TBC1D19: variants seen among roughly 807,000 people sequenced by gnomAD.
TBC1D19 encodes TBC1 domain family member 19, also known as TBC1 domain family, member 19.
A neutral mutation model predicts 89.0 loss-of-function variants in TBC1D19; 60 were observed. The ratio of observed to expected loss-of-function variants is 0.67; its 90% CI spans 0.55 to 0.84. The LOEUF is 0.84. Among genes scored for constraint, TBC1D19 ranks in the 40% least tolerant of loss-of-function variants. The probability of loss-of-function intolerance (pLI) is 0.00; values close to 1 mark genes in which losing one functional copy is unlikely to be tolerated. For missense variants in TBC1D19, 500 were observed against 610.8 expected (o/e 0.82, Z 1.91); for synonymous variants, 189 against 199.7 (o/e 0.95, Z 0.45).
intron 8 of TBC1D19, among the ~76,000 whole-genome samples, chr4:26,660,622 G>A (rs955059963): frequency 6.6e-6 from 1 of 152,150 alleles, no homozygotes; most frequent in Non-Finnish European, 1.5e-5. Flanking sequence ...CAGGAGGCAG[G>A]GGCTTCCATT....
intron 7 of TBC1D19, among the ~76,000 whole-genome samples, chr4:26,657,488 A>T (rs372512356): frequency 1.8e-3 from 271 of 152,162 alleles, no homozygotes; most frequent in African/African-American, 6.2e-3. Flanking sequence ...TCTATGATTT[A>T]TGGGCATTTG....
chr4:26,759,328 A>AT (rs1719381594), downstream of TBC1D19, among the ~76,000 whole-genome samples: 2 of 152,312 alleles, frequency 1.3e-5, no homozygotes, highest in South Asian at 4.1e-4. Flanking sequence ...TAATTCACTC[A>AT]TTTACTGATA....
At chr4:26,648,944 C>T (rs998336501) in intron 7 of TBC1D19, among the ~76,000 whole-genome samples, 9 of 151,952 alleles carry the variant, frequency 5.9e-5, no homozygotes, top group South Asian at 4.2e-4. Flanking sequence ...TTTAAAATTA[C>T]GAATATTTTA....
At chr4:26,823,194 T>C in the TBC1D19 span, among the ~76,000 whole-genome samples, 1 of 152,120 alleles carries the variant, frequency 6.6e-6, no homozygotes, top group Admixed American at 6.5e-5. Flanking sequence ...GCAGGAAAAC[T>C]CCCATTTTTA....
At chr4:26,590,796 G>GTTTTTTTTTTTTGTTTTTT (rs1739724314) in intron 1 of TBC1D19, among the ~76,000 whole-genome samples, 1 of 52,962 alleles carries the variant, frequency 1.9e-5, no homozygotes, top group East Asian at 7.4e-4. Context: ...TTGCAGGTCT[G>GTTTTTTTTTTTTGTTTTTT]TTTTTTTTTT....
At chr4:26,683,899 G>T (rs1713576579) in intron 12 of TBC1D19, 150 bp downstream of exon 12, 2 of 608,758 alleles carry the variant, frequency 3.3e-6, no homozygotes, top group Non-Finnish European at 5.1e-6. Flanking sequence ...AGTTAAAGTT[G>T]GTGTTCAAAA....
chr4:26,841,405 T>C, the TBC1D19 span, among the ~76,000 whole-genome samples: 38 of 137,828 alleles, frequency 2.8e-4, no homozygotes, highest in Non-Finnish European at 6.3e-5. Context: ...AAAAAAAAAG[T>C]GTATGACTTG....
the TBC1D19 span, among the ~76,000 whole-genome samples, chr4:26,797,430 G>A: frequency 6.6e-6 from 1 of 152,176 alleles, no homozygotes; most frequent in Admixed American, 6.5e-5. Flanking sequence ...CATGCTCATG[G>A]ATTGGAATAA....
chr4:26,818,830 A>G, the TBC1D19 span, among the ~76,000 whole-genome samples: 9 of 152,206 alleles, frequency 5.9e-5, no homozygotes, highest in Admixed American at 1.3e-4. Flanking sequence ...TGGTCACCTT[A>G]GTTGCCCAGG....
At chr4:26,591,045 T>A (rs1190114984) in intron 1 of TBC1D19, among the ~76,000 whole-genome samples, 1 of 140,752 alleles carries the variant, frequency 7.1e-6, no homozygotes, top group Non-Finnish European at 1.6e-5. Flanking sequence ...AAATCCCCTG[T>A]GGCTTACCTG....
At chr4:26,609,367 T>G (rs561492701) in intron 1 of TBC1D19, among the ~76,000 whole-genome samples, 2 of 152,292 alleles carry the variant, frequency 1.3e-5, no homozygotes, top group East Asian at 3.9e-4. Context: ...AGCTGAAAAT[T>G]ACATTGTAAT....
chr4:26,768,369 A>G, the TBC1D19 span, among the ~76,000 whole-genome samples: 1 of 152,206 alleles, frequency 6.6e-6, no homozygotes, highest in African/African-American at 2.4e-5. Flanking sequence ...ACCCCATATC[A>G]GCACACCTCA....
chr4:26,636,020 C>T (rs549364074), intron 4 of TBC1D19, among the ~76,000 whole-genome samples: 2 of 152,106 alleles, frequency 1.3e-5, no homozygotes, highest in African/African-American at 4.8e-5. Flanking sequence ...TCATATTATG[C>T]CACTGTTTGA....
intron 15 of TBC1D19, among the ~76,000 whole-genome samples, chr4:26,725,717 T>A (rs1163427403): frequency 1.3e-5 from 2 of 152,130 alleles, no homozygotes. Context: ...CCAACCCTGA[T>A]TAATACTTCT....
chr4:26,660,919 T>C (rs1745185133), intron 8 of TBC1D19, among the ~76,000 whole-genome samples: 1 of 152,242 alleles, frequency 6.6e-6, no homozygotes. Flanking sequence ...TTTTCCCTGT[T>C]CACATTTCTG....
the TBC1D19 span, among the ~76,000 whole-genome samples, chr4:26,814,850 C>T: frequency 9.9e-5 from 15 of 152,062 alleles, no homozygotes; most frequent in African/African-American, 3.1e-4. Flanking sequence ...GCAAGAGCCT[C>T]GTCTCTACAA....
At chr4:26,656,343 A>G (rs1028935654) in intron 7 of TBC1D19, among the ~76,000 whole-genome samples, 9 of 152,028 alleles carry the variant, frequency 5.9e-5, no homozygotes, top group African/African-American at 2.2e-4. Flanking sequence ...ATTATACTGT[A>G]TTTTATTATA....
chr4:26,780,742 A>G, the TBC1D19 span, among the ~76,000 whole-genome samples: 1 of 152,106 alleles, frequency 6.6e-6, no homozygotes, highest in Non-Finnish European at 1.5e-5. Flanking sequence ...TACTATTTCT[A>G]TGTAGGCTTT....
chr4:26,740,127 A>G (rs1408433665), intron 17 of TBC1D19, among the ~76,000 whole-genome samples, 154 bp downstream of exon 17: 1 of 152,194 alleles, frequency 6.6e-6, no homozygotes, highest in Admixed American at 6.5e-5. Flanking sequence ...GACAGAGAAG[A>G]TGAAATTGAT....
Sources: gnomAD v4.1 joint callset for allele counts (sites outside exome capture counted in the v4.1 genomes callset) on GRCh38, gnomAD v4.1.1 for gene constraint, MANE v1.5 for transcripts, NCBI Gene and HGNC (gene_info 2026-07-23, HGNC 2026-07-21) for gene names.